Variants in PRKCB observed in about 807,000 individuals in gnomAD.
PRKCB encodes the protein protein kinase C beta.
A neutral mutation model predicts 81.5 loss-of-function variants in PRKCB; 13 were observed. The ratio of observed to expected loss-of-function variants is 0.16; its 90% CI spans 0.10 to 0.25. The LOEUF (loss-of-function observed/expected upper bound fraction) is 0.25. Among genes scored for constraint, PRKCB ranks in the 10% least tolerant of loss-of-function variants. PRKCB has a pLI of 1.00. For synonymous variants in PRKCB, 335 were observed against 321.4 expected, an observed-to-expected ratio of 1.04 and a Z score of -0.45; for missense variants, 509 against 875.7, an observed-to-expected ratio of 0.58 and a Z score of 5.29.
intron 3 of PRKCB, among the ~76,000 whole-genome samples, chr16:23,990,375 G>T (rs557513094): frequency 6.6e-6 from 1 of 151,688 alleles, no homozygotes; most frequent in Non-Finnish European, 1.5e-5. Context: ...GGAGAATGGC[G>T]TGAACCTGGG....
At position 23,959,287 on chromosome 16, in the gene PRKCB, C is replaced by T. The variant is rs138433769; in HGVS notation, c.206-29221C>T. 3.2e-4 allele frequency among the ~76,000 whole-genome samples: 48 copies of T among 152,278 alleles called. No homozygotes were observed. In the East Asian group the frequency reaches 9.3e-3, roughly 29 times the overall value. On this transcript the variant is annotated intron_variant, in intron 2 of 16. Coordinates refer to ENST00000643927, the MANE Select transcript of PRKCB (RefSeq NM_002738.7). Reference sequence around the variant, plus strand: ...TCGTCATCATTCTCCTGACCACTTTCCATTTTTCTTTTAGAGTCAACACTG... The same window carrying T: ...TCGTCATCATTCTCCTGACCACTTTTCATTTTTCTTTTAGAGTCAACACTG...
chr16:24,103,167 G>A (rs561144754), intron 7 of PRKCB, among the ~76,000 whole-genome samples: 47 of 152,260 alleles, frequency 3.1e-4, no homozygotes, highest in African/African-American at 1.1e-3. Flanking sequence ...ACCACCGCAC[G>A]TGGCCAAAAA....
chr16:24,189,326 G>A (rs140284154), intron 15 of PRKCB, among the ~76,000 whole-genome samples: 38 of 152,204 alleles, frequency 2.5e-4, no homozygotes, highest in African/African-American at 8.9e-4. Context: ...TGATGATCAG[G>A]GAAGCTCATG....
At chr16:24,068,284 G>T in intron 5 of PRKCB, among the ~76,000 whole-genome samples, 1 of 152,198 alleles carries the variant, frequency 6.6e-6, no homozygotes, top group African/African-American at 2.4e-5. Flanking sequence ...AATGCCTAGC[G>T]TTGAGTTCAC....
At chr16:24,189,465 C>T (rs1443503464) in intron 15 of PRKCB, among the ~76,000 whole-genome samples, 5 of 151,684 alleles carry the variant, frequency 3.3e-5, no homozygotes, top group African/African-American at 9.7e-5. Flanking sequence ...GGTGAAACCC[C>T]GTCTCTACTA....
chr16:24,220,583 A>T lies in PRKCB; in HGVS notation c.*5767A>T, dbSNP rs775921208. 1.7e-4 allele frequency: 27 copies of T among 154,542 alleles called. No homozygotes were observed. The highest frequency in any genetic ancestry group is 6.8e-3 in the Middle Eastern group (2 of 294). 9.6% of individuals were successfully genotyped at this position (154,542 alleles called of 1,614,324 possible). ...GAGGAAGTTTTTTGTTTAAGAATTG[A>T]TATGATTAAACTGAATTAATATATG... On this transcript the variant is annotated 3_prime_UTR_variant, in exon 17 of 17. Coordinates refer to ENST00000643927, the MANE Select transcript of PRKCB (RefSeq NM_002738.7).
At chr16:24,127,058 T>G (rs1006430210) in intron 9 of PRKCB, among the ~76,000 whole-genome samples, 13 of 146,116 alleles carry the variant, frequency 8.9e-5, no homozygotes, top group Admixed American at 6.5e-4. Flanking sequence ...CAGGCTGGAG[T>G]GCAATGGCAC....
At chr16:24,154,878 G>A (rs757246331) in intron 10 of PRKCB, 21 bp downstream of exon 10, 1 of 1,608,536 alleles carries the variant, frequency 6.2e-7, no homozygotes, top group South Asian at 1.1e-5. Context: ...CCATGGCCCT[G>A]GGTATTCCAC....
intron 16 of PRKCB, among the ~76,000 whole-genome samples, chr16:24,197,002 A>G (rs1419056126): frequency 6.6e-6 from 1 of 152,164 alleles, no homozygotes; most frequent in Non-Finnish European, 1.5e-5. Flanking sequence ...ATGATGGAGC[A>G]GTGGCTTGGG....
intron 3 of PRKCB, among the ~76,000 whole-genome samples, chr16:24,000,206 C>T (rs1965013930): frequency 6.6e-6 from 1 of 152,172 alleles, no homozygotes; most frequent in African/African-American, 2.4e-5. Context: ...ACCCAAGAGG[C>T]CATAGCAGAA....
chr16:24,173,524 T>C (rs1967479136), intron 11 of PRKCB, among the ~76,000 whole-genome samples: 1 of 152,210 alleles, frequency 6.6e-6, no homozygotes, highest in Non-Finnish European at 1.5e-5. Flanking sequence ...TTCTTGTGCT[T>C]CCAAATCTAG....
chr16:24,129,972 C>T (rs1966850950), intron 9 of PRKCB, among the ~76,000 whole-genome samples: 3 of 152,166 alleles, frequency 2.0e-5, no homozygotes. Context: ...CCACAAGTAA[C>T]ATTTGACTGT....
chr16:23,851,671 G>A (rs1021296763), intron 2 of PRKCB, among the ~76,000 whole-genome samples: 1 of 152,090 alleles, frequency 6.6e-6, no homozygotes, highest in Non-Finnish European at 1.5e-5. Flanking sequence ...GATTGCTTTG[G>A]CTAGTATGGA....
intron 2 of PRKCB, among the ~76,000 whole-genome samples, chr16:23,979,826 T>A (rs1964671555): frequency 6.6e-6 from 1 of 152,186 alleles, no homozygotes; most frequent in Non-Finnish European, 1.5e-5. Context: ...AGCATCAGTG[T>A]CCCTGTTAAT....
At chr16:24,020,919 T>A (rs543076171) in intron 3 of PRKCB, among the ~76,000 whole-genome samples, 153 of 152,170 alleles carry the variant, frequency 1.0e-3, no homozygotes, top group Non-Finnish European at 1.8e-3. Context: ...CCAACCAGAT[T>A]TCAGCCCACC....
At chr16:23,845,676 C>A (rs942290477) in intron 2 of PRKCB, among the ~76,000 whole-genome samples, 1 of 152,054 alleles carries the variant, frequency 6.6e-6, no homozygotes, top group Admixed American at 6.6e-5. Flanking sequence ...ATGGAGAAAC[C>A]GTAAATATTT....
intron 2 of PRKCB, among the ~76,000 whole-genome samples, chr16:23,984,395 C>A (rs1964775306): frequency 6.6e-6 from 1 of 152,114 alleles, no homozygotes; most frequent in Non-Finnish European, 1.5e-5. Context: ...ACAGGATATA[C>A]ACCTGATCAT....
At position 24,043,753 on chromosome 16, in the gene PRKCB, C is replaced by T. The variant is rs549903186; in HGVS notation, c.529+8206C>T. Among the ~76,000 whole-genome samples, 12 of 152,198 alleles carry T rather than the reference C, an allele frequency of 7.9e-5. 1 individual carries two copies. The South Asian group carries it at 1.9e-3, about 24-fold the overall frequency. On this transcript the variant is annotated intron_variant, in intron 5 of 16. Transcript: ENST00000643927. ...TCTGAGGCCTTCAGGATGTGCTGGGCGCGGTCATTGCTCCCAAATGTCTAG... is the reference window on the plus strand; with the variant it reads ...TCTGAGGCCTTCAGGATGTGCTGGGTGCGGTCATTGCTCCCAAATGTCTAG...
intron 2 of PRKCB, among the ~76,000 whole-genome samples, chr16:23,978,881 T>A (rs1305816773): frequency 6.6e-6 from 1 of 152,224 alleles, no homozygotes; most frequent in Non-Finnish European, 1.5e-5. Context: ...AGATTTTATT[T>A]AATTAATTTA....
Sources: allele counts gnomAD v4.1 joint callset (sites outside exome capture counted in the v4.1 genomes callset), GRCh38; gene constraint gnomAD v4.1.1; transcripts MANE v1.5; gene names NCBI Gene and HGNC (gene_info 2026-07-23, HGNC 2026-07-21).